The following AP1S3 variants were observed in gnomAD, a reference collection of about 807,000 sequenced individuals.
AP1S3 encodes adaptor related protein complex 1 subunit sigma 3.
AP1S3 carries 10 observed loss-of-function variants against 20.9 expected under a neutral mutation model. The ratio of observed to expected loss-of-function variants is 0.48; its 90% CI spans 0.29 to 0.81. AP1S3 has a LOEUF of 0.81. AP1S3 is among the 30% of genes least tolerant of loss of function. AP1S3 has a pLI of 0.08. For missense variants in AP1S3, 154 were observed against 183.8 expected (o/e 0.84, Z 0.94); for synonymous variants, 41 against 61.5 (o/e 0.67, Z 1.56).
At position 223,758,120 on chromosome 2, in the gene AP1S3, G is replaced by A; in HGVS notation, c.*595C>T. ...ACACTTATTAAGTTCTATACTCTTT[G>A]GTTATTTTCATAATCCCAATTCTAA... is the stretch of plus-strand genomic sequence containing the variant. On this transcript the variant is annotated 3_prime_UTR_variant, in exon 5 of 5. Coordinates refer to ENST00000396654, the MANE Select transcript of AP1S3 (RefSeq NM_001039569.2). 11 of 978,450 alleles carry A rather than the reference G, an allele frequency of 1.1e-5. No homozygotes were observed. The highest frequency in any genetic ancestry group is 1.2e-5 in the Non-Finnish European group (10 of 826,160). The allele number at this position is 978,450 out of a possible 1,614,324, so 60.6% of individuals were successfully genotyped here. A position where few individuals can be genotyped will look rare whatever the true frequency, so the allele number is the denominator to read the frequency against.
chr2:223,814,075 C>T (rs1011053725), intron 1 of AP1S3, among the ~76,000 whole-genome samples: 2 of 152,216 alleles, frequency 1.3e-5, no homozygotes, highest in South Asian at 2.1e-4. Context: ...CACCAACTAG[C>T]GTCAGATGTG....
intron 1 of AP1S3, among the ~76,000 whole-genome samples, chr2:223,822,305 T>C (rs1692008162): frequency 6.6e-6 from 1 of 151,966 alleles, no homozygotes; most frequent in Non-Finnish European, 1.5e-5. Flanking sequence ...GACAAGAGGA[T>C]TGCTTGAGCG....
intron 3 of AP1S3, chr2:223,770,412 C>T: frequency 2.0e-6 from 3 of 1,521,648 alleles, no homozygotes. Flanking sequence ...TCTGGGTCCT[C>T]CAGCAGCCAT....
intron 1 of AP1S3, among the ~76,000 whole-genome samples, chr2:223,807,494 G>T (rs1691611144): frequency 6.6e-6 from 1 of 152,114 alleles, no homozygotes; most frequent in African/African-American, 2.4e-5. Context: ...ATAAGGTTTG[G>T]ATCTGTGTCC....
chr2:223,809,732 A>AT (rs754446760), intron 1 of AP1S3, among the ~76,000 whole-genome samples: 374 of 139,538 alleles, frequency 2.7e-3, no homozygotes, highest in African/African-American at 4.2e-3. Context: ...ACCTTTATTT[A>AT]TTTTTTTTTT....
At chr2:223,799,027 C>T (rs10199824) in intron 1 of AP1S3, among the ~76,000 whole-genome samples, 63,888 of 151,992 alleles carry the variant, frequency 0.42, 13,692 homozygotes, top group Middle Eastern at 0.49. Flanking sequence ...AGCGAGATTG[C>T]GCCACTGCAC....
At chr2:223,765,045 C>T (rs1690443639) in intron 4 of AP1S3, 168 bp downstream of exon 4, 2 of 996,256 alleles carry the variant, frequency 2.0e-6, no homozygotes, top group South Asian at 5.3e-5. Flanking sequence ...ATACCACCTA[C>T]TTTTTCGAGT....
intron 1 of AP1S3, among the ~76,000 whole-genome samples, chr2:223,809,643 C>CAAAACA (rs774448210): frequency 5.3e-5 from 8 of 151,464 alleles, no homozygotes; most frequent in Non-Finnish European, 1.2e-4. Flanking sequence ...GACTCCGTTT[C>CAAAACA]AAAACAAAAA....
intron 1 of AP1S3, among the ~76,000 whole-genome samples, chr2:223,782,142 A>G (rs1212446687): frequency 6.6e-6 from 1 of 151,360 alleles, no homozygotes; most frequent in Non-Finnish European, 1.5e-5. Context: ...CCCCTGGAGT[A>G]GCTGGGATTA....
intron 4 of AP1S3, chr2:223,764,956 C>T: frequency 2.1e-6 from 1 of 469,830 alleles, no homozygotes; most frequent in Non-Finnish European, 3.6e-6. Context: ...AGAGGAATTC[C>T]ACACTTCCTG....
At chr2:223,776,345 T>C (rs1322813526) in intron 2 of AP1S3, among the ~76,000 whole-genome samples, 1 of 152,154 alleles carries the variant, frequency 6.6e-6, no homozygotes, top group East Asian at 1.9e-4. Flanking sequence ...TTTTGTAAAA[T>C]AGAAAGCCCT....
At chr2:223,780,608 T>G (rs1171843814) in intron 1 of AP1S3, among the ~76,000 whole-genome samples, 1 of 151,360 alleles carries the variant, frequency 6.6e-6, no homozygotes, top group Non-Finnish European at 1.5e-5. Flanking sequence ...TTTTAAATTT[T>G]GTTGTAGAAA....
intron 1 of AP1S3, among the ~76,000 whole-genome samples, chr2:223,809,476 C>G (rs1201866152): frequency 6.6e-6 from 1 of 151,866 alleles, no homozygotes. Flanking sequence ...GAAACCCCGT[C>G]TCTACTAAAA....
intron 1 of AP1S3, among the ~76,000 whole-genome samples, chr2:223,824,937 T>C (rs575162808): frequency 1.3e-5 from 2 of 152,274 alleles, no homozygotes; most frequent in South Asian, 4.1e-4. Context: ...CCAATAATAC[T>C]GGATACATAA....
intron 1 of AP1S3, among the ~76,000 whole-genome samples, chr2:223,781,078 G>A (rs1246068364): frequency 2.0e-5 from 3 of 151,932 alleles, no homozygotes; most frequent in African/African-American, 4.8e-5. Flanking sequence ...TTAGGATAAC[G>A]GCCTCCAGCT....
rs1023403769 is a variant in AP1S3 at position 223,757,627 on chromosome 2, G to A, written c.*1088C>T. On this transcript the variant is annotated 3_prime_UTR_variant, in exon 5 of 5. Transcript: ENST00000396654. The stretch of plus-strand genomic sequence containing the variant: ...CTGTAATATGTCTGATCACTGTTAG[G>A]ACCTGGTTATACAGAATTTTCATTC... 9.1e-5 allele frequency: 90 copies of A among 985,234 alleles called. No homozygotes were observed. The highest frequency in any genetic ancestry group is 1.0e-4 in the Non-Finnish European group (84 of 829,942). The allele number at this position is 985,234 out of a possible 1,614,324, so 61.0% of individuals were successfully genotyped here.
At chr2:223,760,560 T>C (rs1176649345) in intron 4 of AP1S3, among the ~76,000 whole-genome samples, 3 of 152,224 alleles carry the variant, frequency 2.0e-5, no homozygotes, top group East Asian at 3.8e-4. Context: ...CATACCCATC[T>C]ACCCCTCTAC....
intron 1 of AP1S3, among the ~76,000 whole-genome samples, chr2:223,829,979 T>C (rs768171672): frequency 6.6e-6 from 1 of 152,216 alleles, no homozygotes; most frequent in African/African-American, 2.4e-5. Context: ...CTATCTGGCC[T>C]TTTACGGAGA....
intron 1 of AP1S3, among the ~76,000 whole-genome samples, chr2:223,779,867 TGA>T (rs1394525892): frequency 1.3e-5 from 2 of 152,162 alleles, no homozygotes; most frequent in East Asian, 3.9e-4. Flanking sequence ...CTCAGGAGGC[TGA>T]GGCAGGAGAA....
Sources: gnomAD v4.1 joint callset for allele counts (sites outside exome capture counted in the v4.1 genomes callset) on GRCh38, gnomAD v4.1.1 for gene constraint, MANE v1.5 for transcripts, NCBI Gene and HGNC (gene_info 2026-07-23, HGNC 2026-07-21) for gene names.